Variants in PREX2 observed in about 807,000 individuals in gnomAD.
The protein encoded by PREX2 is phosphatidylinositol 3,4,5-trisphosphate-dependent Rac exchanger 2 protein.
Under a neutral mutation model 203.2 loss-of-function variants are expected in PREX2, and 107 were observed. The ratio of observed to expected loss-of-function variants is 0.53; its 90% CI spans 0.45 to 0.62. PREX2 has a LOEUF of 0.62. Ranked by LOEUF, PREX2 falls within the 20% of genes least tolerant of loss-of-function variation. The pLI is 0.00. For missense variants in PREX2, 1,777 were observed against 1,955.9 expected (o/e 0.91, Z 1.72); for synonymous variants, 672 against 663.6 (o/e 1.01, Z -0.19).
chr8:68,225,367 C>G (rs1000874636), intron 39 of PREX2, among the ~76,000 whole-genome samples: 1 of 152,102 alleles, frequency 6.6e-6, no homozygotes, highest in African/African-American at 2.4e-5. Flanking sequence ...TAAATAATAG[C>G]CATCAGAGAA....
At chr8:67,971,393 G>A (rs903871233) in intron 1 of PREX2, among the ~76,000 whole-genome samples, 1 of 152,154 alleles carries the variant, frequency 6.6e-6, no homozygotes, top group Admixed American at 6.5e-5. Context: ...CTCAGGGTGC[G>A]GGGAGAGAGG....
At chr8:68,100,117 G>A in intron 23 of PREX2, 2 of 570,532 alleles carry the variant, frequency 3.5e-6, no homozygotes, top group South Asian at 2.8e-5. Flanking sequence ...AAAAGATAGA[G>A]CTGGGCATTG....
In PREX2 at chr8:68,050,463, G is replaced by A. The variant is rs147357986; in HGVS notation, c.944-2634G>A. Among the ~76,000 whole-genome samples the A allele has an allele frequency of 2.0e-4, 31 of 152,178 alleles. No individual in the cohort carries two copies. In the Middle Eastern group the frequency reaches 0.014, roughly 67 times the overall value. On this transcript the variant is annotated intron_variant, in intron 8 of 39. Coordinates refer to ENST00000288368, the MANE Select transcript of PREX2 (RefSeq NM_024870.4). Reference sequence around the variant, plus strand: ...TACATTTTAAACAACCAGATCTCACGATAACTCACTCACTATCATGAGAAC... The same window carrying A: ...TACATTTTAAACAACCAGATCTCACAATAACTCACTCACTATCATGAGAAC...
chr8:67,955,339 G>A (rs988202572), intron 1 of PREX2, among the ~76,000 whole-genome samples: 2 of 152,160 alleles, frequency 1.3e-5, no homozygotes, highest in African/African-American at 4.8e-5. Context: ...TAAGGTATGG[G>A]TCTATCTGCA....
chr8:68,118,797 A>C (rs1260322489), intron 27 of PREX2, 153 bp downstream of exon 27: 1 of 757,434 alleles, frequency 1.3e-6, no homozygotes, highest in Non-Finnish European at 2.4e-6. Flanking sequence ...CAGTTTTATG[A>C]GCTTGATAGT....
Position 68,069,275 on chromosome 8 carries a change from T to TA in PREX2, c.1443+139_1443+140insA, listed in dbSNP as rs1809118023. On this transcript the variant is annotated intron_variant, in intron 12 of 39. Coordinates refer to ENST00000288368, the MANE Select transcript of PREX2 (RefSeq NM_024870.4). ...CTATATATACAAGCAAGCCTCTTTA[T>TA]TTATTTTTGGTATTTCAAGAATTCT... 12 of 564,752 alleles carry TA rather than the reference T, an allele frequency of 2.1e-5. No individual in the cohort carries two copies. The South Asian group carries it at 2.8e-4, about 13-fold the overall frequency. The allele number at this position is 564,752 out of a possible 1,614,324, so 35.0% of individuals were successfully genotyped here. A position where few individuals can be genotyped will look rare whatever the true frequency, so the allele number is the denominator to read the frequency against.
rs780158017 is a variant in PREX2 at position 68,060,661 on chromosome 8, A to T, written c.1239-18A>T. ...AAAAAATTAACCGTTTAGCTTTTTC[A>T]CTGACTTTCTCTTGCAGCGAATTTG... On this transcript the variant is annotated intron_variant, in intron 10 of 39. Coordinates refer to ENST00000288368, the MANE Select transcript of PREX2 (RefSeq NM_024870.4). The T allele has an allele frequency of 6.3e-7, 1 of 1,591,042 alleles. No homozygotes were observed. The highest frequency in any genetic ancestry group is 1.7e-5 in the Admixed American group (1 of 57,798).
intron 37 of PREX2, among the ~76,000 whole-genome samples, chr8:68,208,758 T>A (rs562521557): frequency 6.6e-6 from 1 of 152,112 alleles, no homozygotes; most frequent in South Asian, 2.1e-4. Context: ...TTGGAGTGCA[T>A]AAAATCACAT....
chr8:68,014,661 C>G (rs1372832169), intron 1 of PREX2, among the ~76,000 whole-genome samples: 2 of 152,180 alleles, frequency 1.3e-5, no homozygotes, highest in Admixed American at 6.5e-5. Flanking sequence ...TGTATAGAAA[C>G]AACCACTGTT....
At chr8:68,070,079 C>G (rs1162413484) in intron 13 of PREX2, among the ~76,000 whole-genome samples, 195 bp downstream of exon 13, 7 of 151,440 alleles carry the variant, frequency 4.6e-5, no homozygotes, top group South Asian at 2.1e-4. Context: ...GTGTTTTCCA[C>G]TCTTTATTAT....
At chr8:68,101,404 C>G (rs376756278) in intron 23 of PREX2, 42 of 518,804 alleles carry the variant, frequency 8.1e-5, no homozygotes, top group South Asian at 1.3e-4. Context: ...AAGTTACTCA[C>G]ATGAAGAAAA....
chr8:68,036,751 G>T (rs1808045291), intron 6 of PREX2, among the ~76,000 whole-genome samples: 1 of 152,028 alleles, frequency 6.6e-6, no homozygotes, highest in South Asian at 2.1e-4. Context: ...TTTGAGACCT[G>T]CCTGACCGAC....
intron 38 of PREX2, among the ~76,000 whole-genome samples, chr8:68,218,783 A>G (rs1038795560): frequency 3.3e-5 from 5 of 152,206 alleles, no homozygotes; most frequent in African/African-American, 1.2e-4. Context: ...GAGCATATAC[A>G]TTGGTACTTC....
At chr8:68,109,732 T>C in intron 25 of PREX2, 109 bp downstream of exon 25, 2 of 885,378 alleles carry the variant, frequency 2.3e-6, no homozygotes, top group South Asian at 1.7e-5. Context: ...TTTAGGAGAT[T>C]TGTGCTGATT....
At chr8:68,196,748 C>T (rs1812405790) in intron 37 of PREX2, among the ~76,000 whole-genome samples, 1 of 151,788 alleles carries the variant, frequency 6.6e-6, no homozygotes, top group Non-Finnish European at 1.5e-5. Context: ...CTCTCTTCCT[C>T]CTGCTCCAGC....
chr8:68,022,163 C>T (rs1252946361), intron 4 of PREX2, 23 bp downstream of exon 4: 3 of 1,147,588 alleles, frequency 2.6e-6, no homozygotes, highest in Admixed American at 3.4e-5. Context: ...TTATGTGTTA[C>T]TGTATGTTGA....
chr8:68,018,922 C>T (rs546954378), intron 2 of PREX2, among the ~76,000 whole-genome samples: 27 of 152,296 alleles, frequency 1.8e-4, no homozygotes, highest in African/African-American at 6.0e-4. Context: ...AAATTTTCCT[C>T]CCAGGAGAGT....
At chr8:67,998,181 A>T (rs1464716316) in intron 1 of PREX2, among the ~76,000 whole-genome samples, 1 of 152,184 alleles carries the variant, frequency 6.6e-6, no homozygotes, top group Non-Finnish European at 1.5e-5. Context: ...TTAGTGCCTT[A>T]GTCCCATCCT....
In PREX2 at chr8:68,210,373, G is replaced by A. The variant is rs191767280; in HGVS notation, c.4605-7243G>A. The stretch of plus-strand genomic sequence containing the variant: ...TTTTATTTAATGTGTTAGGGTCTGA[G>A]TAACCCTCCTCTACTAGTAATACAA... On this transcript the variant is annotated intron_variant, in intron 37 of 39. Coordinates refer to ENST00000288368, the MANE Select transcript of PREX2 (RefSeq NM_024870.4). Among the ~76,000 whole-genome samples, 15 of 152,274 alleles carry A rather than the reference G, an allele frequency of 9.9e-5. No individual in the cohort carries two copies. In the East Asian group the frequency reaches 2.9e-3, roughly 29 times the overall value.
Sources: gnomAD v4.1 joint callset for allele counts (sites outside exome capture counted in the v4.1 genomes callset) on GRCh38, gnomAD v4.1.1 for gene constraint, MANE v1.5 for transcripts, NCBI Gene and HGNC (gene_info 2026-07-23, HGNC 2026-07-21) for gene names.